The following PRR5 variants were observed in gnomAD, a reference collection of about 807,000 sequenced individuals.
PRR5 encodes proline-rich protein 5.
Under a neutral mutation model 30.6 loss-of-function variants are expected in PRR5, and 25 were observed. The ratio of observed to expected loss-of-function variants is 0.82; its 90% CI spans 0.60 to 1.14. PRR5 has a LOEUF of 1.14. Among genes scored for constraint, PRR5 ranks in the 50% most tolerant of loss-of-function variants. The pLI, the probability that PRR5 is intolerant of heterozygous loss-of-function variation, is 0.00. For missense variants in PRR5, 600 were observed against 547.1 expected (o/e 1.10, Z -0.96); for synonymous variants, 286 against 247.1 (o/e 1.16, Z -1.48).
At chr22:44,697,155 G>A (rs1222634363) in intron 1 of PRR5, among the ~76,000 whole-genome samples, 1 of 152,194 alleles carries the variant, frequency 6.6e-6, no homozygotes. Context: ...AGTTTCCCCA[G>A]TCGTGAAATG....
chr22:44,679,693 C>A, intron 1 of PRR5: 1 of 1,073,804 alleles, frequency 9.3e-7, no homozygotes, highest in Non-Finnish European at 1.3e-6. Context: ...GCAACAAGAG[C>A]GAAACTCCAT....
upstream of PRR5, among the ~76,000 whole-genome samples, chr22:44,675,737 G>A (rs1026946406): frequency 2.0e-5 from 3 of 148,098 alleles, no homozygotes; most frequent in Admixed American, 6.9e-5. Flanking sequence ...CTTAAAACTC[G>A]GTGGCTGTTG....
intron 1 of PRR5, among the ~76,000 whole-genome samples, chr22:44,705,026 C>T (rs1209725262): frequency 6.6e-6 from 1 of 152,174 alleles, no homozygotes; most frequent in Non-Finnish European, 1.5e-5. Flanking sequence ...CAGGGCCTGG[C>T]CGTGTACTCC....
At chr22:44,729,147 A>C (rs1005408675) in intron 4 of PRR5, among the ~76,000 whole-genome samples, 4 of 152,046 alleles carry the variant, frequency 2.6e-5, no homozygotes, top group African/African-American at 9.7e-5. Context: ...GGGTCACGTG[A>C]CCCAGCTGTG....
chr22:44,702,460 GC>G lies in PRR5; in HGVS notation c.-14del. On this transcript the variant is annotated 5_prime_UTR_variant, in exon 1 of 8. Transcript: ENST00000336985. ...TGGGGCGCGCGTGGGCGCGGCGCAG[GC>G]GGCCCGGGTCACCATGAGGACTCTC... 7.4e-7 allele frequency: 1 copy of G among 1,345,698 alleles called. No individual in the cohort carries two copies. The allele number at this position is 1,345,698 out of a possible 1,614,324, so 83.4% of individuals were successfully genotyped here. A position where few individuals can be genotyped will look rare whatever the true frequency, so the allele number is the denominator to read the frequency against.
intron 7 of PRR5, among the ~76,000 whole-genome samples, chr22:44,736,240 G>T (rs565171898): frequency 6.6e-6 from 1 of 152,174 alleles, no homozygotes; most frequent in Admixed American, 6.5e-5. Flanking sequence ...CAGGCTCCCC[G>T]CATCCCCAGG....
upstream of PRR5, among the ~76,000 whole-genome samples, chr22:44,701,133 C>T (rs111696546): frequency 1.2e-4 from 19 of 152,342 alleles, no homozygotes; most frequent in African/African-American, 3.4e-4. Flanking sequence ...CCTCCCACCT[C>T]GGCCTCCCAA....
intron 6 of PRR5, chr22:44,734,035 A>C (rs778362432): frequency 6.6e-6 from 1 of 152,198 alleles, no homozygotes; most frequent in Non-Finnish European, 1.5e-5. Context: ...GTACTTTGGG[A>C]GGCCAAGGCA....
At chr22:44,730,934 T>C (rs1244739386) in intron 4 of PRR5, 1 of 455,880 alleles carries the variant, frequency 2.2e-6, no homozygotes, top group East Asian at 7.3e-5. Context: ...CACTTCCCTG[T>C]CATGTGATGG....
chr22:44,703,148 G>A (rs1926626234), intron 1 of PRR5, among the ~76,000 whole-genome samples: 1 of 152,094 alleles, frequency 6.6e-6, no homozygotes, highest in African/African-American at 2.4e-5. Context: ...CTCCTCCAGG[G>A]GTCATTCCCA....
upstream of PRR5, among the ~76,000 whole-genome samples, chr22:44,701,313 C>T (rs896880895): frequency 6.6e-6 from 1 of 152,288 alleles, no homozygotes; most frequent in African/African-American, 2.4e-5. Flanking sequence ...AGGGGCTGGA[C>T]GCTCCCTGTG....
intron 1 of PRR5, among the ~76,000 whole-genome samples, chr22:44,707,126 C>T (rs1181287506): frequency 6.6e-6 from 1 of 152,216 alleles, no homozygotes; most frequent in Non-Finnish European, 1.5e-5. Context: ...CCTCAAGGGC[C>T]CCTGTCCCTG....
Position 44,702,407 on chromosome 22 carries a change from T to C in PRR5, c.-68T>C. The stretch of plus-strand genomic sequence containing the variant: ...AGGGCGCATCGCCGGCCCGGGGCCC[T>C]TGGTGCGGCGTGGCGCAGGGCGCGG... On this transcript the variant is annotated 5_prime_UTR_variant, in exon 1 of 8. Transcript: ENST00000336985. The C allele has an allele frequency of 8.1e-7, 1 of 1,232,078 alleles. No homozygotes were observed. Among genetic ancestry groups the C allele is most frequent in the Non-Finnish European group, 1.0e-6 (1 of 985,612 alleles). 76.3% of individuals were successfully genotyped at this position (1,232,078 alleles called of 1,614,324 possible). A position where few individuals can be genotyped will look rare whatever the true frequency, so the allele number is the denominator to read the frequency against.
chr22:44,676,412 A>AG (rs1351287677), upstream of PRR5, among the ~76,000 whole-genome samples: 3 of 148,460 alleles, frequency 2.0e-5, no homozygotes, highest in Non-Finnish European at 3.0e-5. Context: ...AAAAAAAAAA[A>AG]AAAGAAAGAA....
At chr22:44,696,814 G>A (rs965240656) in intron 1 of PRR5, among the ~76,000 whole-genome samples, 1 of 152,112 alleles carries the variant, frequency 6.6e-6, no homozygotes, top group Non-Finnish European at 1.5e-5. Flanking sequence ...TTGGCTCACT[G>A]TAAACTCCGC....
upstream of PRR5, among the ~76,000 whole-genome samples, chr22:44,675,871 C>T (rs571304983): frequency 6.6e-6 from 1 of 151,712 alleles, no homozygotes; most frequent in South Asian, 2.1e-4. Flanking sequence ...TCCTGTGCCC[C>T]ACTCCTAGCC....
upstream of PRR5, among the ~76,000 whole-genome samples, chr22:44,675,231 C>T (rs1261463846): frequency 6.6e-6 from 1 of 150,496 alleles, no homozygotes; most frequent in African/African-American, 2.5e-5. Flanking sequence ...GCCCAGGTGA[C>T]AGAGCAAGAC....
intron 2 of PRR5, among the ~76,000 whole-genome samples, chr22:44,718,859 A>T (rs1929507334): frequency 6.6e-6 from 1 of 152,122 alleles, no homozygotes; most frequent in East Asian, 1.9e-4. Context: ...TCTTTGTATT[A>T]TTGAGCTATG....
Position 44,736,766 on chromosome 22 carries a change from C to T in PRR5, c.692-6C>T. 1 of 1,535,560 alleles carries T rather than the reference C, an allele frequency of 6.5e-7. No homozygotes were observed. The highest frequency in any genetic ancestry group is 8.8e-7 in the Non-Finnish European group (1 of 1,137,768). ...CTGGTGTGACAGTGCCCGTGTCTCT[C>T]CCCAGAAAAGCGCCTCCTCCGCCGC... is the stretch of plus-strand genomic sequence containing the variant. On this transcript the variant is annotated splice_polypyrimidine_tract_variant and splice_region_variant and intron_variant, in intron 7 of 7. Transcript: ENST00000336985.
Sources: allele counts gnomAD v4.1 joint callset (sites outside exome capture counted in the v4.1 genomes callset), GRCh38; gene constraint gnomAD v4.1.1; transcripts MANE v1.5; gene names NCBI Gene and HGNC (gene_info 2026-07-23, HGNC 2026-07-21).